The following ARIH1 variants were observed in gnomAD, a reference collection of about 807,000 sequenced individuals.
ARIH1 encodes E3 ubiquitin-protein ligase ARIH1.
A neutral mutation model predicts 85.0 loss-of-function variants in ARIH1; 8 were observed. The observed-to-expected ratio is 0.09, with a 90% CI of 0.06 to 0.17. The LOEUF is 0.17. Ranked by LOEUF, ARIH1 falls within the 10% of genes least tolerant of loss-of-function variation. The pLI is 1.00. For missense variants in ARIH1, 311 were observed against 718.1 expected, an observed-to-expected ratio of 0.43 and a Z score of 6.48; for synonymous variants, 238 against 253.6, an observed-to-expected ratio of 0.94 and a Z score of 0.59.
At chr15:72,538,354 C>T (rs1259967879) in intron 2 of ARIH1, among the ~76,000 whole-genome samples, 2 of 151,960 alleles carry the variant, frequency 1.3e-5, no homozygotes, top group Non-Finnish European at 1.5e-5. Flanking sequence ...ACTTTGTCTC[C>T]CTCTCCCCCG....
chr15:72,558,948 G>C (rs1276848589), intron 5 of ARIH1, among the ~76,000 whole-genome samples: 1 of 152,150 alleles, frequency 6.6e-6, no homozygotes, highest in African/African-American at 2.4e-5. Flanking sequence ...CAAGGCATCT[G>C]ACTTTTGGCC....
At position 72,553,288 on chromosome 15, in the gene ARIH1, A is replaced by G. The variant is rs186092537; in HGVS notation, c.589-1983A>G. ...ATTTAAAGTATTTACTTAATGTCCC[A>G]TTACAGGATACTGCTTCATTTAACG... On this transcript the variant is annotated intron_variant, in intron 3 of 13. Transcript: ENST00000379887. Among the ~76,000 whole-genome samples, 159 of 152,332 alleles carry G rather than the reference A, an allele frequency of 1.0e-3. 1 individual carries two copies. The highest frequency in any genetic ancestry group is 3.7e-3 in the African/African-American group (154 of 41,574).
chr15:72,477,161 C>CAA (rs762950142), intron 1 of ARIH1, among the ~76,000 whole-genome samples: 2 of 151,700 alleles, frequency 1.3e-5, no homozygotes, highest in African/African-American at 4.8e-5. Context: ...GTTTGATGGG[C>CAA]AAAAAAAACC....
chr15:72,583,184 T>C, intron 13 of ARIH1, 24 bp from the exon 14 acceptor site: 3 of 1,574,474 alleles, frequency 1.9e-6, no homozygotes, highest in South Asian at 1.2e-5. Context: ...CAACAAGTTT[T>C]TTTTTTTTTC....
intron 9 of ARIH1, among the ~76,000 whole-genome samples, chr15:72,567,484 G>C (rs999391010): frequency 6.6e-6 from 1 of 152,196 alleles, no homozygotes; most frequent in Non-Finnish European, 1.5e-5. Context: ...TTTGTGCTTG[G>C]CTGCCATTTA....
rs139493789 is a variant in ARIH1, at chr15:72,499,440, T to C, written c.376-18627T>C. Among the ~76,000 whole-genome samples the C allele has an allele frequency of 1.3e-3, 193 of 152,356 alleles. 1 individual carries two copies. Among genetic ancestry groups the C allele is most frequent in the African/African-American group, 4.5e-3 (186 of 41,582 alleles). ...TTTGACATTATCTCTTTCCTTTTTC[T>C]TCCTCCATCCTTGAGAACCCCACTT... is the stretch of plus-strand genomic sequence containing the variant. On this transcript the variant is annotated intron_variant, in intron 1 of 13. Transcript: ENST00000379887.
At chr15:72,501,451 CAGTA>C (rs1189409793) in intron 1 of ARIH1, among the ~76,000 whole-genome samples, 4 of 152,108 alleles carry the variant, frequency 2.6e-5, no homozygotes, top group Non-Finnish European at 5.9e-5. Flanking sequence ...CACCACTTAT[CAGTA>C]AGTGTTTTGA....
At chr15:72,531,248 T>A (rs1298834108) in intron 2 of ARIH1, among the ~76,000 whole-genome samples, 1 of 151,480 alleles carries the variant, frequency 6.6e-6, no homozygotes, top group African/African-American at 2.4e-5. Context: ...TAAAAAGAAA[T>A]CCACATTTTT....
Position 72,561,633 on chromosome 15 carries a change from G to A in ARIH1, c.804+84G>A, listed in dbSNP as rs1309432057. The A allele has an allele frequency of 2.3e-5, 19 of 823,728 alleles. No individual in the cohort carries two copies. In the South Asian group the frequency reaches 3.3e-4, roughly 14 times the overall value. The allele number at this position is 823,728 out of a possible 1,614,324, so 51.0% of individuals were successfully genotyped here. A position where few individuals can be genotyped will look rare whatever the true frequency, so the allele number is the denominator to read the frequency against. On this transcript the variant is annotated intron_variant, in intron 6 of 13. Coordinates refer to ENST00000379887, the MANE Select transcript of ARIH1 (RefSeq NM_005744.5). ...TTTTAAAAATTATAATTTATTGACA[G>A]TAAAAAACATCTTTAACATATTTAT...
intron 2 of ARIH1, among the ~76,000 whole-genome samples, chr15:72,521,798 C>G (rs1407846888): frequency 6.6e-6 from 1 of 152,192 alleles, no homozygotes; most frequent in Admixed American, 6.5e-5. Context: ...ATCTTCCCCT[C>G]TCTACCTCCC....
At position 72,593,800 on chromosome 15, in the gene ARIH1, A is replaced by G. The variant is rs765920893; in HGVS notation, c.*10508A>G. ...GTTATTGTCGATTCTTTGGATTGTC[A>G]TAAAAGTTTTACAATTAGCTCATCT... On this transcript the variant is annotated 3_prime_UTR_variant, in exon 14 of 14. Transcript: ENST00000379887. 1.3e-5 allele frequency: 2 copies of G among 152,080 alleles called. No homozygotes were observed. Among genetic ancestry groups the G allele is most frequent in the African/African-American group, 4.8e-5 (2 of 41,436 alleles). The allele number at this position is 152,080 out of a possible 1,614,324, so 9.4% of individuals were successfully genotyped here. A position where few individuals can be genotyped will look rare whatever the true frequency, so the allele number is the denominator to read the frequency against.
At chr15:72,563,268 G>A (rs1284046756) in intron 6 of ARIH1, 126 bp from the exon 7 acceptor site, 11 of 681,380 alleles carry the variant, frequency 1.6e-5, no homozygotes, top group East Asian at 2.7e-5. Context: ...TATGTTGCCC[G>A]GGCTGGTCTG....
chr15:72,475,044 G>T lies in ARIH1; in HGVS notation c.375+30G>T, dbSNP rs377410220. ...GGGTGGCCGCCGCGCCAGCTGGACC[G>T]GGCCCGACGGGGGAGCGGATTCAGG... On this transcript the variant is annotated intron_variant, in intron 1 of 13. Transcript: ENST00000379887. The T allele has an allele frequency of 2.7e-3, 4,141 of 1,546,894 alleles. 17 individuals are homozygous for T. Among genetic ancestry groups the T allele is most frequent in the Non-Finnish European group, 3.0e-3 (3,433 of 1,144,452 alleles).
intron 1 of ARIH1, among the ~76,000 whole-genome samples, chr15:72,507,064 C>T (rs2063929467): frequency 6.6e-6 from 1 of 151,974 alleles, no homozygotes; most frequent in Admixed American, 6.6e-5. Context: ...GCCCTGTCGC[C>T]CAGGCTGGAG....
chr15:72,534,959 C>CTTTTTTTCTTTTTTTTTT lies in ARIH1; in HGVS notation c.444-9854_444-9853insCTTTTTTTTTTTTTTTTT, dbSNP rs2064074640. 2.7e-5 allele frequency among the ~76,000 whole-genome samples: 2 copies of CTTTTTTTCTTTTTTTTTT among 73,806 alleles called. 1 individual carries two copies. Among genetic ancestry groups the CTTTTTTTCTTTTTTTTTT allele is most frequent in the Non-Finnish European group, 7.0e-5 (2 of 28,460 alleles). The allele number at this position is 73,806 out of a possible 152,430, so 48.4% of individuals were successfully genotyped here. Reference sequence around the variant, plus strand: ...CCTATGTCTTCTTATTGTCTGTATTCTTTTTTTTTTTGAGACGGAGTCTCG... The same window carrying CTTTTTTTCTTTTTTTTTT: ...CCTATGTCTTCTTATTGTCTGTATTCTTTTTTTCTTTTTTTTTTTTTTTTTTTTTGAGACGGAGTCTCG... On this transcript the variant is annotated intron_variant, in intron 2 of 13. Coordinates refer to ENST00000379887, the MANE Select transcript of ARIH1 (RefSeq NM_005744.5).
chr15:72,582,740 G>A lies in ARIH1; in HGVS notation c.1590-468G>A, dbSNP rs1300710711. ...TGACAAATGCTAGTGTCTTTTGAAA[G>A]TTGTAGGAAACTTGGGGAGTTTGGA... On this transcript the variant is annotated intron_variant, in intron 13 of 13. Transcript: ENST00000379887. The surrounding 1 kb of genome is among the most constrained non-coding windows in gnomAD (Gnocchi z 4.6). 1.3e-5 allele frequency among the ~76,000 whole-genome samples: 2 copies of A among 152,068 alleles called. No homozygotes were observed. The highest frequency in any genetic ancestry group is 2.4e-5 in the African/African-American group (1 of 41,410).
intron 2 of ARIH1, among the ~76,000 whole-genome samples, chr15:72,520,006 A>T (rs1043489974): frequency 1.3e-5 from 2 of 152,192 alleles, no homozygotes; most frequent in African/African-American, 4.8e-5. Flanking sequence ...ATATTTTTCC[A>T]TTAAATATTG....
At chr15:72,479,519 C>G (rs937442020) in intron 1 of ARIH1, among the ~76,000 whole-genome samples, 1 of 151,976 alleles carries the variant, frequency 6.6e-6, no homozygotes. Context: ...AGCGATTCTC[C>G]TGCCTCAGCC....
intron 2 of ARIH1, among the ~76,000 whole-genome samples, chr15:72,522,062 T>C (rs2064002617): frequency 6.6e-6 from 1 of 152,208 alleles, no homozygotes; most frequent in Non-Finnish European, 1.5e-5. Context: ...TTAATAACTT[T>C]GTTCTTGTTT....
Sources: allele counts gnomAD v4.1 joint callset (sites outside exome capture counted in the v4.1 genomes callset), GRCh38; gene constraint gnomAD v4.1.1; non-coding constraint Gnocchi (gnomAD v3.1); transcripts MANE v1.5; gene names NCBI Gene and HGNC (gene_info 2026-07-23, HGNC 2026-07-21).